The following CORO2A variants were observed in gnomAD, a reference collection of about 807,000 sequenced individuals.
The protein encoded by CORO2A is coronin 2A.
A neutral mutation model predicts 62.4 loss-of-function variants in CORO2A; 47 were observed. The ratio of observed to expected loss-of-function variants is 0.75; its 90% CI spans 0.60 to 0.96. The LOEUF (loss-of-function observed/expected upper bound fraction) is 0.96. Ranked by LOEUF, CORO2A falls within the 40% of genes least tolerant of loss-of-function variation. CORO2A has a pLI of 0.00. For missense variants in CORO2A, 610 were observed against 684.1 expected, an observed-to-expected ratio of 0.89 and a Z score of 1.21; for synonymous variants, 273 against 268.9, an observed-to-expected ratio of 1.02 and a Z score of -0.15.
chr9:98,139,146 G>A (rs1469097058), intron 2 of CORO2A, among the ~76,000 whole-genome samples: 10 of 152,092 alleles, frequency 6.6e-5, no homozygotes, highest in Non-Finnish European at 1.5e-4. Flanking sequence ...GGGCAATAGG[G>A]GGTGACTGCT....
At position 98,137,700 on chromosome 9, in the gene CORO2A, T is replaced by C. The variant is rs575064289; in HGVS notation, c.202-12A>G. ...TCCAACTTCCCTGTCTGCAAGACAG[T>C]GCCCAGGAGGGTTGGGGAGGAGGTG... is the stretch of plus-strand genomic sequence containing the variant. On this transcript the variant is annotated splice_polypyrimidine_tract_variant and intron_variant, in intron 2 of 11. Transcript: ENST00000375077. 3 of 1,595,084 alleles carry C rather than the reference T, an allele frequency of 1.9e-6. 1 individual carries two copies. The South Asian group carries it at 3.3e-5, about 18-fold the overall frequency.
intron 2 of CORO2A, among the ~76,000 whole-genome samples, chr9:98,144,686 G>A (rs977897146): frequency 1.3e-5 from 2 of 152,140 alleles, no homozygotes; most frequent in Admixed American, 1.3e-4. Context: ...TTAAAGAGAG[G>A]GAGACTTTGA....
Position 98,157,588 on chromosome 9 carries a change from A to G in CORO2A, c.73T>C (p.Cys25Arg). Reference sequence around the variant, plus strand: ...CGGGTGATAGGCACGGAGTCGTAGCAGTTCTCCTTGCTGGCTGGTTTGCCA... The same window carrying G: ...CGGGTGATAGGCACGGAGTCGTAGCGGTTCTCCTTGCTGGCTGGTTTGCCA... Reference protein sequence around the residue: ...VFGKPASKENCYDSVPITRSV... With the variant: ...VFGKPASKENRYDSVPITRSV... The change falls in exon 2 of 12, where the codon TGC (cysteine) becomes CGC (arginine). Residue 25 changes from cysteine (C) to arginine (R), a missense_variant. Physicochemically the swap from Cys to Arg is radical, Grantham distance 180. Coordinates refer to ENST00000375077, the MANE Select transcript of CORO2A (RefSeq NM_052820.4). 1 of 1,614,128 alleles carries G rather than the reference A, an allele frequency of 6.2e-7. No individual in the cohort carries two copies. The highest frequency in any genetic ancestry group is 8.5e-7 in the Non-Finnish European group (1 of 1,179,976).
intron 1 of CORO2A, among the ~76,000 whole-genome samples, chr9:98,182,442 T>C (rs1828189423): frequency 6.6e-6 from 1 of 152,020 alleles, no homozygotes; most frequent in Non-Finnish European, 1.5e-5. Context: ...CTGTTCATTA[T>C]CTCCCCAGCC....
chr9:98,184,139 C>T (rs1828209998), intron 1 of CORO2A, among the ~76,000 whole-genome samples: 1 of 151,908 alleles, frequency 6.6e-6, no homozygotes, highest in African/African-American at 2.4e-5. Flanking sequence ...CCTTGGGTGT[C>T]CTGGAAGCTG....
intron 10 of CORO2A, among the ~76,000 whole-genome samples, chr9:98,127,656 T>C (rs2118792796): frequency 6.6e-6 from 1 of 151,282 alleles, no homozygotes; most frequent in Non-Finnish European, 1.5e-5. Context: ...CTACTAAAAA[T>C]ACGAAAAATT....
chr9:98,150,798 A>T (rs1178375626), intron 2 of CORO2A, among the ~76,000 whole-genome samples: 1 of 152,206 alleles, frequency 6.6e-6, no homozygotes, highest in Non-Finnish European at 1.5e-5. Flanking sequence ...TCGGCCATCT[A>T]TAGGGGGTCC....
intron 1 of CORO2A, among the ~76,000 whole-genome samples, chr9:98,191,039 G>C (rs1476880122): frequency 6.6e-6 from 1 of 152,230 alleles, no homozygotes; most frequent in Non-Finnish European, 1.5e-5. Flanking sequence ...CTCACTACCT[G>C]TCCAGGGGCC....
rs371084777 is a variant in CORO2A at position 98,126,561 on chromosome 9, C to T, written c.1434G>A (p.Lys478=). 6.2e-6 allele frequency: 10 copies of T among 1,613,534 alleles called. No homozygotes were observed. Among genetic ancestry groups the T allele is most frequent in the Non-Finnish European group, 8.5e-6 (10 of 1,179,652 alleles). The part of the protein sequence containing the change: ...GFDVFECPPP[K]TENELLQMFY... ...TCCTCCTTCACACCTCATTCTCTGT[C>T]TTTGGTGGGGGGCATTCGAAAACGT... The change falls in exon 11 of 12, where the codon AAG becomes AAA. Residue 478 remains lysine (K), a synonymous_variant. Coordinates refer to ENST00000375077, the MANE Select transcript of CORO2A (RefSeq NM_052820.4).
intron 2 of CORO2A, among the ~76,000 whole-genome samples, chr9:98,141,350 T>C (rs1182401429): frequency 2.1e-5 from 2 of 94,096 alleles, no homozygotes; most frequent in Non-Finnish European, 2.2e-5. Flanking sequence ...CCACTGACCC[T>C]TTTTTTTTTT....
intron 2 of CORO2A, among the ~76,000 whole-genome samples, chr9:98,138,103 C>G (rs146068753): frequency 2.6e-5 from 4 of 152,226 alleles, no homozygotes; most frequent in African/African-American, 9.6e-5. Flanking sequence ...AATTCCACTC[C>G]TAGGTCTATC....
intron 1 of CORO2A, among the ~76,000 whole-genome samples, chr9:98,187,458 C>A (rs1265003996): frequency 7.8e-6 from 1 of 127,480 alleles, no homozygotes; most frequent in African/African-American, 2.8e-5. Context: ...AACTCCATCT[C>A]AAAAAAAAAA....
chr9:98,167,188 C>T (rs1827973216), intron 1 of CORO2A, among the ~76,000 whole-genome samples: 1 of 151,744 alleles, frequency 6.6e-6, no homozygotes, highest in South Asian at 2.1e-4. Context: ...GGGCATTATG[C>T]TAAGTGAAAC....
Position 98,128,634 on chromosome 9 carries a change from C to G in CORO2A, c.1053G>C (p.Glu351Asp), listed in dbSNP as rs571776662. ...YKLITTKSLI[E>D]PISMIVPRRS... Reference sequence around the variant, plus strand: ...GCCGGGGCACAATCATGGAGATGGGCTCGATGAGGCTTTTGGTTGTGATCA... The same window carrying G: ...GCCGGGGCACAATCATGGAGATGGGGTCGATGAGGCTTTTGGTTGTGATCA... Residue 351 changes from glutamate to aspartate, a missense_variant, in exon 9 of 12, where the codon GAG becomes GAC. Glu to Asp is a conservative substitution (Grantham distance 45). Transcript: ENST00000375077. 1 of 1,614,098 alleles carries G rather than the reference C, an allele frequency of 6.2e-7. No individual in the cohort carries two copies. Among genetic ancestry groups the G allele is most frequent in the African/African-American group, 1.3e-5 (1 of 74,928 alleles).
chr9:98,134,000 C>T (rs1254264157), intron 4 of CORO2A, among the ~76,000 whole-genome samples: 1 of 152,134 alleles, frequency 6.6e-6, no homozygotes, highest in African/African-American at 2.4e-5. Context: ...GATCCTCCCA[C>T]CTCAGCCTCT....
intron 9 of CORO2A, 52 bp from the exon 10 acceptor site, chr9:98,128,312 T>C: frequency 7.0e-7 from 1 of 1,432,820 alleles, no homozygotes; most frequent in Non-Finnish European, 9.8e-7. Flanking sequence ...GCTGCTCAGA[T>C]GGGAAAGGCC....
At chr9:98,130,445 C>A (rs140890203) in intron 7 of CORO2A, among the ~76,000 whole-genome samples, 2 of 152,270 alleles carry the variant, frequency 1.3e-5, no homozygotes, top group Non-Finnish European at 1.5e-5. Context: ...CACCCTTTTT[C>A]CTCTAAGACA....
intron 2 of CORO2A, among the ~76,000 whole-genome samples, chr9:98,154,833 T>C (rs1285632716): frequency 3.9e-5 from 6 of 152,214 alleles, no homozygotes; most frequent in Admixed American, 6.5e-5. Flanking sequence ...AATTTATTTA[T>C]GAAGTTCTTG....
intron 2 of CORO2A, among the ~76,000 whole-genome samples, chr9:98,141,945 A>G (rs986272934): frequency 2.6e-5 from 4 of 152,180 alleles, no homozygotes; most frequent in African/African-American, 9.7e-5. Context: ...CTGAGAAAAA[A>G]AAACTAAAAG....
Sources: gnomAD v4.1 joint callset for allele counts (sites outside exome capture counted in the v4.1 genomes callset) on GRCh38, gnomAD v4.1.1 for gene constraint, MANE v1.5 for transcripts, NCBI Gene and HGNC (gene_info 2026-07-23, HGNC 2026-07-21) for gene names.